Variants in OPRD1 observed in about 807,000 individuals in gnomAD.
OPRD1 encodes the protein opioid receptor delta 1, also known as delta-type opioid receptor.
In OPRD1, 19 loss-of-function variants were observed where a neutral mutation model predicts 17.5. That is an observed-to-expected ratio of 1.09 (90% CI 0.76 to 1.60). The LOEUF is 1.60. OPRD1 is among the 40% of genes most tolerant of loss of function. The pLI is 0.00. For synonymous variants in OPRD1, 256 were observed against 240.9 expected (o/e 1.06, Z -0.58); for missense variants, 483 against 547.2 (o/e 0.88, Z 1.17).
intron 1 of OPRD1, among the ~76,000 whole-genome samples, chr1:28,849,521 C>G (rs534393742): frequency 6.6e-6 from 1 of 152,298 alleles, no homozygotes; most frequent in African/African-American, 2.4e-5. Flanking sequence ...CACACACACA[C>G]GCACACACAG....
intron 1 of OPRD1, among the ~76,000 whole-genome samples, chr1:28,821,599 A>G (rs917414011): frequency 6.6e-6 from 1 of 152,174 alleles, no homozygotes; most frequent in African/African-American, 2.4e-5. Flanking sequence ...ATTGCATGTA[A>G]TATTTTGTGA....
intron 1 of OPRD1, among the ~76,000 whole-genome samples, chr1:28,851,312 T>A (rs1211224118): frequency 6.6e-6 from 1 of 152,194 alleles, no homozygotes; most frequent in Non-Finnish European, 1.5e-5. Flanking sequence ...AAAATTCTGA[T>A]GGAAAATTAC....
chr1:28,826,467 G>C (rs576222502), intron 1 of OPRD1, among the ~76,000 whole-genome samples: 1 of 151,934 alleles, frequency 6.6e-6, no homozygotes, highest in East Asian at 1.9e-4. Context: ...AGTGAACCGA[G>C]ATCACGCCAC....
intron 1 of OPRD1, among the ~76,000 whole-genome samples, chr1:28,853,788 C>T (rs1357829549): frequency 6.6e-6 from 1 of 151,396 alleles, no homozygotes; most frequent in Non-Finnish European, 1.5e-5. Flanking sequence ...ACCTAGTCGC[C>T]CAGGCTGGAG....
Position 28,862,849 on chromosome 1 carries a change from A to G in OPRD1, c.685A>G (p.Ile229Val). Residue 229 changes from isoleucine (I) to valine (V), a missense_variant, in exon 3 of 3, where the codon ATC becomes GTC. Coordinates refer to ENST00000234961, the MANE Select transcript of OPRD1 (RefSeq NM_000911.4). ...LFAFVVPILI[I>V]TVCYGLMLLR... ...CGCCTTCGTGGTGCCCATCCTCATCATCACCGTGTGCTATGGCCTCATGCT... is the reference window on the plus strand; with the variant it reads ...CGCCTTCGTGGTGCCCATCCTCATCGTCACCGTGTGCTATGGCCTCATGCT... 6.2e-7 allele frequency: 1 copy of G among 1,612,992 alleles called. No homozygotes were observed. The highest frequency in any genetic ancestry group is 8.5e-7 in the Non-Finnish European group (1 of 1,180,020).
Position 28,844,436 on chromosome 1 carries a change from G to A in OPRD1, c.228-14518G>A, listed in dbSNP as rs527688807. Among the ~76,000 whole-genome samples the A allele has an allele frequency of 5.9e-5, 9 of 152,072 alleles. No homozygotes were observed. The South Asian group carries it at 1.0e-3, about 18-fold the overall frequency. On this transcript the variant is annotated intron_variant, in intron 1 of 2. Transcript: ENST00000234961. ...CCTCCAAGTAGCTGGGACTACAAGC[G>A]CATGTCACCATGCCCAGCTAATTTT... is the stretch of plus-strand genomic sequence containing the variant.
intron 1 of OPRD1, among the ~76,000 whole-genome samples, chr1:28,823,605 G>A (rs900443533): frequency 4.6e-5 from 7 of 151,756 alleles, no homozygotes; most frequent in South Asian, 2.1e-4. Flanking sequence ...CATGTTGGCC[G>A]GGCTGGTCTC....
rs1247023533 is a variant in OPRD1, at chr1:28,870,862, G to A, written c.*7579G>A. 6.6e-6 allele frequency: 1 copy of A among 152,278 alleles called. No individual in the cohort carries two copies. The highest frequency in any genetic ancestry group is 1.5e-5 in the Non-Finnish European group (1 of 68,084). The allele number at this position is 152,278 out of a possible 1,614,324, so 9.4% of individuals were successfully genotyped here. On this transcript the variant is annotated 3_prime_UTR_variant, in exon 3 of 3. Coordinates refer to ENST00000234961, the MANE Select transcript of OPRD1 (RefSeq NM_000911.4). ...ATCTAGAATCTCCTCTCGGAATGAG[G>A]AGACCGCAAATGTGGTTTTGAATCT...
At chr1:28,818,988 T>G (rs1296121278) in intron 1 of OPRD1, among the ~76,000 whole-genome samples, 5 of 150,458 alleles carry the variant, frequency 3.3e-5, no homozygotes, top group African/African-American at 1.2e-4. Context: ...TGGAGCAATC[T>G]GTGCAGAATG....
At chr1:28,839,612 C>T (rs965708098) in intron 1 of OPRD1, among the ~76,000 whole-genome samples, 1 of 152,120 alleles carries the variant, frequency 6.6e-6, no homozygotes, top group Admixed American at 6.6e-5. Flanking sequence ...TAGACGTTCT[C>T]ACCTTGTTGC....
At chr1:28,821,607 T>C (rs923656723) in intron 1 of OPRD1, among the ~76,000 whole-genome samples, 4 of 152,224 alleles carry the variant, frequency 2.6e-5, no homozygotes, top group African/African-American at 9.6e-5. Context: ...TAATATTTTG[T>C]GAGATGCCTA....
chr1:28,858,653 T>G (rs573564683), intron 1 of OPRD1, among the ~76,000 whole-genome samples: 76 of 149,658 alleles, frequency 5.1e-4, no homozygotes, highest in Admixed American at 8.7e-4. Flanking sequence ...TCAAGCAATT[T>G]TCCTGCCTCA....
At chr1:28,860,040 T>C (rs74065125) in intron 2 of OPRD1, among the ~76,000 whole-genome samples, 2,566 of 152,204 alleles carry the variant, frequency 0.017, 59 homozygotes, top group African/African-American at 0.053. Flanking sequence ...GGCAGATGAA[T>C]ATGGAGAGGG....
chr1:28,858,963 G>A lies in OPRD1; in HGVS notation c.237G>A (p.Lys79=). Residue 79 remains lysine, a synonymous_variant, in exon 2 of 3, where the codon AAG becomes AAA. Transcript: ENST00000234961. ...LVMFGIVRYT[K]MKTATNIYIF... ...TGCATTTCTTTCTAAGGTACACTAA[G>A]ATGAAGACGGCCACCAACATCTACA... The A allele has an allele frequency of 1.9e-6, 3 of 1,609,890 alleles. No homozygotes were observed. The highest frequency in any genetic ancestry group is 2.5e-6 in the Non-Finnish European group (3 of 1,179,428).
intron 1 of OPRD1, among the ~76,000 whole-genome samples, chr1:28,844,447 T>A (rs1384112257): frequency 6.6e-6 from 1 of 152,090 alleles, no homozygotes; most frequent in African/African-American, 2.4e-5. Flanking sequence ...CATGTCACCA[T>A]GCCCAGCTAA....
At chr1:28,830,530 A>AAAC (rs532725797) in intron 1 of OPRD1, among the ~76,000 whole-genome samples, 172 of 152,210 alleles carry the variant, frequency 1.1e-3, no homozygotes, top group African/African-American at 3.6e-3. Context: ...GTCAAAAATA[A>AAAC]AACAACAACA....
In OPRD1 at chr1:28,867,436, C is replaced by G. The variant is rs1198136186; in HGVS notation, c.*4153C>G. On this transcript the variant is annotated 3_prime_UTR_variant, in exon 3 of 3. Transcript: ENST00000234961. ...GCCAAACTGGTCTCGAACTCCTGACCTCAGGGGATCTGCCCGCCTCAGCTT... is the reference window on the plus strand; with the variant it reads ...GCCAAACTGGTCTCGAACTCCTGACGTCAGGGGATCTGCCCGCCTCAGCTT... 1 of 152,028 alleles carries G rather than the reference C, an allele frequency of 6.6e-6. No individual in the cohort carries two copies. The highest frequency in any genetic ancestry group is 1.5e-5 in the Non-Finnish European group (1 of 68,040). The allele number at this position is 152,028 out of a possible 1,614,324, so 9.4% of individuals were successfully genotyped here.
intron 1 of OPRD1, among the ~76,000 whole-genome samples, chr1:28,845,757 G>A (rs1487789904): frequency 6.6e-6 from 1 of 151,494 alleles, no homozygotes; most frequent in African/African-American, 2.4e-5. Context: ...ATGGTGTAAG[G>A]GAAAGGCCCA....
intron 1 of OPRD1, among the ~76,000 whole-genome samples, chr1:28,836,643 C>T (rs1309233852): frequency 1.3e-5 from 2 of 152,082 alleles, no homozygotes; most frequent in African/African-American, 4.8e-5. Context: ...TGGTTGCTGG[C>T]AATCCTTGGC....
Sources: gnomAD v4.1 joint callset for allele counts (sites outside exome capture counted in the v4.1 genomes callset) on GRCh38, gnomAD v4.1.1 for gene constraint, MANE v1.5 for transcripts, NCBI Gene and HGNC (gene_info 2026-07-23, HGNC 2026-07-21) for gene names.